ZBTB7C: variants seen among roughly 807,000 people sequenced by gnomAD.
The protein encoded by ZBTB7C is zinc finger and BTB domain-containing protein 7C.
In ZBTB7C, 8 loss-of-function variants were observed where a neutral mutation model predicts 25.7. The ratio of observed to expected loss-of-function variants is 0.31; its 90% CI spans 0.18 to 0.56. ZBTB7C has a LOEUF of 0.56. ZBTB7C is among the 20% of genes least tolerant of loss of function. ZBTB7C has a pLI of 0.91. For synonymous variants in ZBTB7C, 394 were observed against 369.0 expected (o/e 1.07, Z -0.78); for missense variants, 824 against 855.2 (o/e 0.96, Z 0.46).
chr18:48,364,922 AAC>A (rs1427456331), intron 1 of ZBTB7C, among the ~76,000 whole-genome samples: 2 of 152,168 alleles, frequency 1.3e-5, no homozygotes, highest in Admixed American at 6.5e-5. Context: ...CAGCTTACTA[AAC>A]ACAGTTTGCT....
intron 2 of ZBTB7C, among the ~76,000 whole-genome samples, chr18:48,241,334 T>C (rs2043517205): frequency 6.6e-6 from 1 of 152,150 alleles, no homozygotes; most frequent in Non-Finnish European, 1.5e-5. Context: ...ACTTTAACTA[T>C]ACCCTAGAAC....
chr18:48,328,488 G>T (rs1043203164), intron 2 of ZBTB7C, among the ~76,000 whole-genome samples: 1 of 152,144 alleles, frequency 6.6e-6, no homozygotes, highest in Non-Finnish European at 1.5e-5. Flanking sequence ...TTTGAACAAA[G>T]ATCTTTCAAA....
At chr18:48,262,537 GA>G (rs2044201418) in intron 2 of ZBTB7C, among the ~76,000 whole-genome samples, 3 of 152,160 alleles carry the variant, frequency 2.0e-5, no homozygotes, top group South Asian at 4.2e-4. Flanking sequence ...AGATGATGTG[GA>G]AATGCTCAGA....
chr18:48,392,922 G>A (rs1377373737), intron 1 of ZBTB7C, among the ~76,000 whole-genome samples: 2 of 152,156 alleles, frequency 1.3e-5, no homozygotes, highest in East Asian at 3.8e-4. Context: ...CTCTACTGCT[G>A]ACCAGTGAGT....
chr18:48,092,799 T>C (rs2038468293), intron 3 of ZBTB7C, among the ~76,000 whole-genome samples: 1 of 152,266 alleles, frequency 6.6e-6, no homozygotes, highest in South Asian at 2.1e-4. Flanking sequence ...TTGTAAGTTA[T>C]TCATGCAGCT....
intron 2 of ZBTB7C, among the ~76,000 whole-genome samples, chr18:48,273,626 T>C (rs1367344911): frequency 6.6e-6 from 1 of 152,052 alleles, no homozygotes; most frequent in Non-Finnish European, 1.5e-5. Context: ...GGAGAGTCAA[T>C]GGTGTCTACT....
intron 3 of ZBTB7C, among the ~76,000 whole-genome samples, chr18:48,164,863 C>T (rs566695653): frequency 2.0e-5 from 3 of 152,138 alleles, no homozygotes; most frequent in African/African-American, 7.2e-5. Flanking sequence ...GTCCTCACCA[C>T]GAGCCCCCAC....
chr18:48,340,675 C>G (rs1268656773), intron 1 of ZBTB7C, among the ~76,000 whole-genome samples: 1 of 152,220 alleles, frequency 6.6e-6, no homozygotes, highest in African/African-American at 2.4e-5. Flanking sequence ...AGGATAGGAG[C>G]TCTTCCAAGC....
intron 2 of ZBTB7C, among the ~76,000 whole-genome samples, chr18:48,226,656 A>G (rs1474103152): frequency 1.3e-5 from 2 of 152,230 alleles, no homozygotes; most frequent in Admixed American, 6.5e-5. Flanking sequence ...GGGGAGCAGT[A>G]CATGTTCACT....
intron 3 of ZBTB7C, among the ~76,000 whole-genome samples, chr18:48,184,193 C>T (rs1201693975): frequency 6.6e-6 from 1 of 152,154 alleles, no homozygotes; most frequent in Non-Finnish European, 1.5e-5. Context: ...CCACGAAAGC[C>T]AGCAACAGCA....
intron 2 of ZBTB7C, among the ~76,000 whole-genome samples, chr18:48,280,369 C>A (rs1206157083): frequency 6.6e-6 from 1 of 152,156 alleles, no homozygotes; most frequent in African/African-American, 2.4e-5. Context: ...ATTTGGGCTC[C>A]ATTCCCATTG....
At chr18:48,068,492 T>TA (rs60866380) in intron 3 of ZBTB7C, among the ~76,000 whole-genome samples, 85 of 148,378 alleles carry the variant, frequency 5.7e-4, no homozygotes, top group Middle Eastern at 3.5e-3. Flanking sequence ...CAGAAGCTGT[T>TA]AAAAAAAAAA....
At chr18:48,323,610 A>G (rs903922292) in intron 2 of ZBTB7C, among the ~76,000 whole-genome samples, 12 of 152,156 alleles carry the variant, frequency 7.9e-5, no homozygotes, top group Non-Finnish European at 2.9e-5. Context: ...TTTTGCTGCT[A>G]CAAAATGAGG....
chr18:48,095,050 T>C (rs2038565397), intron 3 of ZBTB7C, among the ~76,000 whole-genome samples: 1 of 152,164 alleles, frequency 6.6e-6, no homozygotes, highest in African/African-American at 2.4e-5. Context: ...GGCAGCTGAA[T>C]TTGCTGCAAA....
At chr18:48,161,638 G>A (rs1263479587) in intron 3 of ZBTB7C, among the ~76,000 whole-genome samples, 1 of 151,574 alleles carries the variant, frequency 6.6e-6, no homozygotes, top group African/African-American at 2.4e-5. Flanking sequence ...GGCCACAAGC[G>A]CCCCGGACTC....
chr18:48,100,344 C>T (rs1322614424), intron 3 of ZBTB7C, among the ~76,000 whole-genome samples: 2 of 152,126 alleles, frequency 1.3e-5, no homozygotes, highest in South Asian at 2.1e-4. Flanking sequence ...GACCTCCCCA[C>T]GGGGTGAAGA....
intron 3 of ZBTB7C, among the ~76,000 whole-genome samples, chr18:48,063,087 C>T (rs990851054): frequency 6.6e-6 from 1 of 152,198 alleles, no homozygotes; most frequent in Non-Finnish European, 1.5e-5. Flanking sequence ...TTCCCACCAC[C>T]CAAGCCAAAA....
At chr18:48,192,073 T>C (rs573323791) in intron 2 of ZBTB7C, among the ~76,000 whole-genome samples, 1 of 152,202 alleles carries the variant, frequency 6.6e-6, no homozygotes, top group South Asian at 2.1e-4. Flanking sequence ...AGTGGATAAA[T>C]AAACTGTGGA....
intron 1 of ZBTB7C, among the ~76,000 whole-genome samples, chr18:48,340,549 A>G (rs2046575400): frequency 6.6e-6 from 1 of 152,164 alleles, no homozygotes; most frequent in Admixed American, 6.5e-5. Context: ...AGAAGAAACT[A>G]CACTCTTAAG....
Sources: allele counts gnomAD v4.1 joint callset (sites outside exome capture counted in the v4.1 genomes callset), GRCh38; gene constraint gnomAD v4.1.1; transcripts MANE v1.5; gene names NCBI Gene and HGNC (gene_info 2026-07-23, HGNC 2026-07-21).